The following CSMD2 variants were observed in gnomAD, a reference collection of about 807,000 sequenced individuals.
The protein encoded by CSMD2 is CUB and Sushi multiple domains 2.
In CSMD2, 130 loss-of-function variants were observed where a neutral mutation model predicts 398.5. The ratio of observed to expected loss-of-function variants is 0.33; its 90% CI spans 0.28 to 0.38. CSMD2 has a LOEUF of 0.38. Among genes scored for constraint, CSMD2 ranks in the 10% least tolerant of loss-of-function variants. The pLI is 1.00. For missense variants in CSMD2, 3,829 were observed against 4,764.9 expected, an observed-to-expected ratio of 0.80 and a Z score of 5.78; for synonymous variants, 1,828 against 1,908.5, an observed-to-expected ratio of 0.96 and a Z score of 1.10.
At chr1:33,712,081 G>A (rs1254972025) in intron 21 of CSMD2, among the ~76,000 whole-genome samples, 1 of 152,222 alleles carries the variant, frequency 6.6e-6, no homozygotes, top group Non-Finnish European at 1.5e-5. Context: ...AAGTGCTGTG[G>A]CTGATTCTGG....
At chr1:34,052,820 G>C (rs556281964) in intron 2 of CSMD2, among the ~76,000 whole-genome samples, 1 of 152,082 alleles carries the variant, frequency 6.6e-6, no homozygotes, top group African/African-American at 2.4e-5. Context: ...TAAGTGTTTC[G>C]AGAAGAATTA....
chr1:34,032,890 G>A (rs1558276681), intron 2 of CSMD2, among the ~76,000 whole-genome samples, 184 bp from the exon 3 acceptor site: 1 of 152,176 alleles, frequency 6.6e-6, no homozygotes, highest in Non-Finnish European at 1.5e-5. Flanking sequence ...GAAACATGAG[G>A]AAGTGACTCC....
chr1:34,125,080 T>G (rs573025929), intron 1 of CSMD2, among the ~76,000 whole-genome samples: 3 of 152,324 alleles, frequency 2.0e-5, no homozygotes, highest in Admixed American at 2.0e-4. Flanking sequence ...GTAATTAGAA[T>G]AGAGCCAGGC....
At chr1:33,869,702 A>T (rs548508705) in intron 5 of CSMD2, among the ~76,000 whole-genome samples, 2 of 152,156 alleles carry the variant, frequency 1.3e-5, no homozygotes, top group Non-Finnish European at 2.9e-5. Context: ...GTAGCCCCTC[A>T]TTCACTCTGC....
chr1:33,849,000 AT>A, intron 5 of CSMD2, among the ~76,000 whole-genome samples: 1 of 152,144 alleles, frequency 6.6e-6, no homozygotes, highest in East Asian at 1.9e-4. Context: ...AATGATCAAG[AT>A]TGCAGCAGGA....
intron 56 of CSMD2, among the ~76,000 whole-genome samples, chr1:33,547,553 C>T (rs1247682429): frequency 6.6e-6 from 1 of 152,244 alleles, no homozygotes; most frequent in East Asian, 1.9e-4. Flanking sequence ...GTCTTTTCCA[C>T]TTCTCAACCT....
chr1:33,520,495 A>G (rs1223892214), intron 68 of CSMD2, among the ~76,000 whole-genome samples: 9 of 152,170 alleles, frequency 5.9e-5, no homozygotes, highest in Admixed American at 3.3e-4. Flanking sequence ...GGGCTCTGAG[A>G]GGGGACAGGA....
At chr1:33,705,439 C>T (rs1178579881) in intron 22 of CSMD2, among the ~76,000 whole-genome samples, 3 of 152,132 alleles carry the variant, frequency 2.0e-5, no homozygotes, top group Admixed American at 2.0e-4. Flanking sequence ...CATAATTTTA[C>T]TCGTTGATAC....
chr1:33,555,353 T>A (rs1389108408), intron 55 of CSMD2, among the ~76,000 whole-genome samples: 1 of 152,140 alleles, frequency 6.6e-6, no homozygotes, highest in East Asian at 1.9e-4. Context: ...AGAAAGTGGT[T>A]TCCTGAGAAG....
chr1:33,836,136 CCT>C (rs1408071337), intron 6 of CSMD2, among the ~76,000 whole-genome samples: 1 of 152,176 alleles, frequency 6.6e-6, no homozygotes, highest in African/African-American at 2.4e-5. Context: ...CACTCCAGAC[CCT>C]GTTTGCCTGG....
At chr1:34,030,754 C>T (rs926240163) in intron 3 of CSMD2, among the ~76,000 whole-genome samples, 17 of 152,144 alleles carry the variant, frequency 1.1e-4, no homozygotes, top group African/African-American at 2.9e-4. Context: ...CCTCAAAGAT[C>T]GACCAGGACT....
chr1:33,592,134 G>A (rs1639502071), intron 44 of CSMD2: 1 of 465,366 alleles, frequency 2.1e-6, no homozygotes, highest in South Asian at 2.2e-5. Flanking sequence ...CCAAGGGTGG[G>A]TTTGCAGCCA....
chr1:33,698,924 C>T lies in CSMD2; in HGVS notation c.3754G>A (p.Glu1252Lys), dbSNP rs1425481674. ...CCAAACTTGGGGGTTCCTGGGTCCTCACATTTGATGAGTTCAAAGCCTGGT... is the reference window on the plus strand; with the variant it reads ...CCAAACTTGGGGGTTCCTGGGTCCTTACATTTGATGAGTTCAAAGCCTGGT... ...HFSSFELIKC[E>K]DPGTPKFGYK... The change falls in exon 24 of 71, where the codon GAG (glutamate) becomes AAG (lysine). Residue 1252 changes from glutamate to lysine, a missense_variant. Physicochemically the swap from Glu to Lys is moderately conservative, Grantham distance 56 (BLOSUM62 1). Transcript: ENST00000373381. 3 of 1,613,862 alleles carry T rather than the reference C, an allele frequency of 1.9e-6. No homozygotes were observed. The African/African-American group carries it at 4.0e-5, about 22-fold the overall frequency.
chr1:33,676,538 C>A (rs969483742), intron 25 of CSMD2, among the ~76,000 whole-genome samples: 2 of 152,144 alleles, frequency 1.3e-5, no homozygotes, highest in Middle Eastern at 3.4e-3. Context: ...TACTGCCCAA[C>A]GTAATTTATA....
At chr1:33,567,018 G>C (rs1409435818) in intron 53 of CSMD2, among the ~76,000 whole-genome samples, 1 of 151,640 alleles carries the variant, frequency 6.6e-6, no homozygotes, top group African/African-American at 2.4e-5. Context: ...CCAACTATTA[G>C]GTCACAAAGA....
intron 53 of CSMD2, among the ~76,000 whole-genome samples, chr1:33,565,103 C>T (rs1230305661): frequency 6.6e-6 from 1 of 152,176 alleles, no homozygotes; most frequent in Non-Finnish European, 1.5e-5. Flanking sequence ...TCTCATGGTT[C>T]TGTTGCAAGC....
intron 10 of CSMD2, among the ~76,000 whole-genome samples, chr1:33,798,672 G>C (rs1655239803): frequency 6.6e-6 from 1 of 152,206 alleles, no homozygotes; most frequent in African/African-American, 2.4e-5. Flanking sequence ...ATAATTCAGT[G>C]TGAAGGGAGG....
At chr1:33,889,390 T>G (rs1558058386) in intron 5 of CSMD2, among the ~76,000 whole-genome samples, 1 of 152,172 alleles carries the variant, frequency 6.6e-6, no homozygotes, top group Non-Finnish European at 1.5e-5. Flanking sequence ...AAAACTTTAA[T>G]TTGGAAAAGA....
At chr1:33,592,629 C>T (rs937510696) in intron 44 of CSMD2, 2 of 658,006 alleles carry the variant, frequency 3.0e-6, no homozygotes, top group Non-Finnish European at 5.6e-6. Context: ...CTTTCTGCAA[C>T]CTTCCTAATT....
Sources: allele counts gnomAD v4.1 joint callset (sites outside exome capture counted in the v4.1 genomes callset), GRCh38; gene constraint gnomAD v4.1.1; transcripts MANE v1.5; gene names NCBI Gene and HGNC (gene_info 2026-07-23, HGNC 2026-07-21).